CFL1: variants seen among roughly 807,000 people sequenced by gnomAD.
CFL1 encodes cofilin-1.
CFL1 carries 2 observed loss-of-function variants against 16.3 expected under a neutral mutation model. That is an observed-to-expected ratio of 0.12 (90% CI 0.05 to 0.39). The LOEUF (loss-of-function observed/expected upper bound fraction) is 0.39. Among genes scored for constraint, CFL1 ranks in the 10% least tolerant of loss-of-function variants. The pLI, the probability that CFL1 is intolerant of heterozygous loss-of-function variation, is 0.99. For missense variants in CFL1, 75 were observed against 212.2 expected (o/e 0.35, Z 4.02); for synonymous variants, 111 against 84.4 (o/e 1.31, Z -1.73).
chr11:65,855,738 G>A lies in CFL1; in HGVS notation c.312-8C>T. Reference sequence around the variant, plus strand: ...GGCGCAGACTCGGGGGCCCTGGACAGAAACACGCGTCAGGCAACTCCCAGC... The same window carrying A: ...GGCGCAGACTCGGGGGCCCTGGACAAAAACACGCGTCAGGCAACTCCCAGC... On this transcript the variant is annotated splice_region_variant and splice_polypyrimidine_tract_variant and intron_variant, in intron 2 of 3. Coordinates refer to ENST00000308162, the MANE Select transcript of CFL1 (RefSeq NM_005507.3). 1.3e-6 allele frequency: 2 copies of A among 1,535,698 alleles called. No homozygotes were observed. Among genetic ancestry groups the A allele is most frequent in the South Asian group, 1.3e-5 (1 of 78,196 alleles).
At chr11:65,856,586 G>T in intron 1 of CFL1, 1 of 268,546 alleles carries the variant, frequency 3.7e-6, no homozygotes, top group Non-Finnish European at 7.3e-6. Flanking sequence ...CTCAGCCTTT[G>T]GATAAAACTG....
intron 1 of CFL1, chr11:65,857,522 A>G: frequency 3.4e-6 from 1 of 295,450 alleles, no homozygotes; most frequent in Non-Finnish European, 7.5e-6. Flanking sequence ...CCTTAATCGC[A>G]GGCACCCACG....
At position 65,858,139 on chromosome 11, in the gene CFL1, G is replaced by A. The variant is rs1280314917; in HGVS notation, c.-40C>T. ...AAAGGAGAGGGCACCGAGAGCCGCA[G>A]AAGACGAGAGCGCTGCAGCCGCTGC... On this transcript the variant is annotated 5_prime_UTR_variant, in exon 1 of 4. Transcript: ENST00000308162. 1.2e-5 allele frequency: 19 copies of A among 1,520,484 alleles called. No homozygotes were observed. Among genetic ancestry groups the A allele is most frequent in the African/African-American group, 5.7e-5 (4 of 69,938 alleles). 94.2% of individuals were successfully genotyped at this position (1,520,484 alleles called of 1,614,324 possible).
chr11:65,857,132 A>C (rs1859401082), intron 1 of CFL1: 1 of 159,078 alleles, frequency 6.3e-6, no homozygotes, highest in Non-Finnish European at 1.4e-5. Context: ...CAGCATCTCC[A>C]GGTCCCTAAC....
chr11:65,856,581 C>A, intron 1 of CFL1: 1 of 278,146 alleles, frequency 3.6e-6, no homozygotes, highest in Non-Finnish European at 7.0e-6. Context: ...TTGCTCTCAG[C>A]CTTTGGATAA....
In CFL1 at chr11:65,855,153, G is replaced by A. The variant is rs1859360804; in HGVS notation, c.*183C>T. On this transcript the variant is annotated 3_prime_UTR_variant, in exon 4 of 4. Transcript: ENST00000308162. The stretch of plus-strand genomic sequence containing the variant: ...AGTTTGGGAAGGCCAGAACCGTCAA[G>A]GGATGGAGGGAGAAGGAAAATCCAG... 1 of 583,040 alleles carries A rather than the reference G, an allele frequency of 1.7e-6. No individual in the cohort carries two copies. 36.1% of individuals were successfully genotyped at this position (583,040 alleles called of 1,614,324 possible).
At position 65,855,660 on chromosome 11, in the gene CFL1, G is replaced by A; in HGVS notation, c.382C>T (p.Leu128=). The change falls in exon 3 of 4, where the codon CTG becomes TTG. Residue 128 remains leucine (L), a synonymous_variant. Coordinates refer to ENST00000308162, the MANE Select transcript of CFL1 (RefSeq NM_005507.3). ...CACCAATGCTGGCCCTTACCTGTCAGCTTCTTCTTGATGGCGTCCTTGGAG... is the reference window on the plus strand; with the variant it reads ...CACCAATGCTGGCCCTTACCTGTCAACTTCTTCTTGATGGCGTCCTTGGAG... ...ASSKDAIKKK[L]TGIKHELQAN... The A allele has an allele frequency of 1.3e-6, 2 of 1,569,244 alleles. No individual in the cohort carries two copies. The highest frequency in any genetic ancestry group is 1.7e-6 in the Non-Finnish European group (2 of 1,158,818).
Position 65,858,111 on chromosome 11 carries a change from C to T in CFL1, c.-12G>A, listed in dbSNP as rs988456330. 3 of 1,532,782 alleles carry T rather than the reference C, an allele frequency of 2.0e-6. No individual in the cohort carries two copies. Among genetic ancestry groups the T allele is most frequent in the Non-Finnish European group, 2.6e-6 (3 of 1,140,300 alleles). 94.9% of individuals were successfully genotyped at this position (1,532,782 alleles called of 1,614,324 possible). A position where few individuals can be genotyped will look rare whatever the true frequency, so the allele number is the denominator to read the frequency against. On this transcript the variant is annotated 5_prime_UTR_variant, in exon 1 of 4. Transcript: ENST00000308162. ...CTGCCGCTCACCATGTTTCCGGAAA[C>T]GAAAAGGAGAGGGCACCGAGAGCCG... is the stretch of plus-strand genomic sequence containing the variant.
rs1447183909 is a variant in CFL1 at position 65,855,381 on chromosome 11, C to T, written c.456G>A (p.Lys152=). The change falls in exon 4 of 4, where the codon AAG becomes AAA. Residue 152 remains lysine, a synonymous_variant. Coordinates refer to ENST00000308162, the MANE Select transcript of CFL1 (RefSeq NM_005507.3). ...GGGAGATGACGGCACTGCCCCCCAG[C>T]TTCTCTGCCAGGGTGCAGCGGTCCT... ...EVKDRCTLAE[K]LGGSAVISLE... 1.2e-6 allele frequency: 2 copies of T among 1,612,756 alleles called. No homozygotes were observed. The highest frequency in any genetic ancestry group is 3.3e-5 in the Admixed American group (2 of 60,024).
At chr11:65,855,852 C>T (rs542018102) in intron 2 of CFL1, 83 bp downstream of exon 2, 44 of 1,529,658 alleles carry the variant, frequency 2.9e-5, no homozygotes, top group Non-Finnish European at 3.8e-5. Context: ...CAAACCCACA[C>T]ATCTGGGTTG....
chr11:65,857,873 G>T, intron 1 of CFL1: 1 of 332,462 alleles, frequency 3.0e-6, no homozygotes, highest in Non-Finnish European at 5.4e-6. Context: ...ACCAGCGGGT[G>T]GGGGAGGGGA....
intron 1 of CFL1, 159 bp from the exon 2 acceptor site, chr11:65,856,401 G>T: frequency 1.5e-6 from 1 of 649,422 alleles, no homozygotes; most frequent in South Asian, 1.9e-5. Flanking sequence ...AACCAGATGG[G>T]ACACAACCTC....
exon 1 of CFL1, chr11:65,858,156 AGCCGCTGCCGGGACCCGACTGAACGCG>A: frequency 6.6e-7 from 1 of 1,511,216 alleles, no homozygotes; most frequent in Non-Finnish European, 8.9e-7. Context: ...AGAGCGCTGC[AGCCGCTGCCGGGACCCGACTGAACGCG>A]GCCTCTCCCG....
rs1315825964 is a variant in CFL1, at chr11:65,855,427, G to A, written c.410C>T (p.Ala137Val). Residue 137 changes from alanine (A) to valine (V), a missense_variant, in exon 4 of 4, where the codon GCA becomes GTA. Physicochemically the swap from Ala to Val is moderately conservative, Grantham distance 64. Coordinates refer to ENST00000308162, the MANE Select transcript of CFL1 (RefSeq NM_005507.3). Reference sequence around the variant, plus strand: ...GTCCTTGACCTCCTCGTAGCAGTTTGCTTGCAATTCATGCTTGATCCCTAT... The same window carrying A: ...GTCCTTGACCTCCTCGTAGCAGTTTACTTGCAATTCATGCTTGATCCCTAT... ...KLTGIKHELQ[A>V]NCYEEVKDRC... 9 of 1,613,400 alleles carry A rather than the reference G, an allele frequency of 5.6e-6. No homozygotes were observed. The Admixed American group carries it at 1.3e-4, about 24-fold the overall frequency.
rs142147292 is a variant in CFL1 at position 65,855,769 on chromosome 11, C to T, written c.312-39G>A. 821 of 1,525,554 alleles carry T rather than the reference C, an allele frequency of 5.4e-4. 7 individuals carry two copies. In the African/African-American group the frequency reaches 0.01, roughly 19 times the overall value. The allele number at this position is 1,525,554 out of a possible 1,614,324, so 94.5% of individuals were successfully genotyped here. On this transcript the variant is annotated intron_variant, in intron 2 of 3. Coordinates refer to ENST00000308162, the MANE Select transcript of CFL1 (RefSeq NM_005507.3). ...CGCGTCAGGCAACTCCCAGCAACAG[C>T]AAAGCCACAGGTGACTTTGAGAAAC...
intron 2 of CFL1, 52 bp from the exon 3 acceptor site, chr11:65,855,782 G>A (rs1239709628): frequency 2.6e-6 from 4 of 1,519,760 alleles, no homozygotes; most frequent in Non-Finnish European, 2.7e-6. Context: ...AGCCACAGGT[G>A]ACTTTGAGAA....
chr11:65,856,302 T>C (rs1859384341), intron 1 of CFL1, 60 bp from the exon 2 acceptor site: 12 of 1,538,122 alleles, frequency 7.8e-6, no homozygotes, highest in Non-Finnish European at 1.1e-5. Context: ...CCCTTGTTTT[T>C]TCAGAAGATC....
At chr11:65,855,801 G>GCTGGCAGTGA in intron 2 of CFL1, 71 bp from the exon 3 acceptor site, 1 of 1,512,386 alleles carries the variant, frequency 6.6e-7, no homozygotes, top group East Asian at 2.3e-5. Context: ...AAACCCTTGG[G>GCTGGCAGTGA]CTGGCAGTGA....
At chr11:65,855,854 T>A in intron 2 of CFL1, 81 bp downstream of exon 2, 1 of 1,542,086 alleles carries the variant, frequency 6.5e-7, no homozygotes, top group Non-Finnish European at 8.8e-7. Flanking sequence ...AACCCACACA[T>A]CTGGGTTGAC....
Sources: gnomAD v4.1 joint callset for allele counts on GRCh38, gnomAD v4.1.1 for gene constraint, MANE v1.5 for transcripts, NCBI Gene and HGNC (gene_info 2026-07-23, HGNC 2026-07-21) for gene names.